GSE1: variants seen among roughly 807,000 people sequenced by gnomAD.
GSE1 encodes the protein genetic suppressor element 1.
A neutral mutation model predicts 112.6 loss-of-function variants in GSE1; 32 were observed. That is an observed-to-expected ratio of 0.28 (90% CI 0.21 to 0.38). GSE1 has a LOEUF of 0.38. GSE1 is among the 10% of genes least tolerant of loss of function. GSE1 has a pLI of 1.00. For missense variants in GSE1, 2,348 were observed against 1,699.2 expected, an observed-to-expected ratio of 1.38 and a Z score of -6.71; for synonymous variants, 1,115 against 735.6, an observed-to-expected ratio of 1.52 and a Z score of -8.35.
intron 2 of GSE1, among the ~76,000 whole-genome samples, chr16:85,360,165 C>T (rs113762416): frequency 1.3e-5 from 2 of 152,132 alleles, no homozygotes; most frequent in Admixed American, 6.5e-5. Flanking sequence ...TCCCTGGTCC[C>T]GGTGGCCACC....
Position 85,513,634 on chromosome 16 carries a change from G to C in GSE1, c.2465-120280G>C, listed in dbSNP as rs367728976. 6.0e-4 allele frequency among the ~76,000 whole-genome samples: 91 copies of C among 152,250 alleles called. 3 individuals are homozygous for C. The South Asian group carries it at 0.018, about 31-fold the overall frequency. On this transcript the variant is annotated intron_variant, in intron 2 of 2. Transcript: ENST00000637419. ...GACTTGGGGGAATCTGCTGCCTCCA[G>C]GCCTCACCCTCCTCCTCCAGGAAGC...
At chr16:85,632,477 C>G (rs1328693709) in intron 1 of GSE1, among the ~76,000 whole-genome samples, 1 of 152,172 alleles carries the variant, frequency 6.6e-6, no homozygotes, top group Non-Finnish European at 1.5e-5. Flanking sequence ...ATGGCCAGGA[C>G]TCACGGCCTT....
chr16:85,636,708 C>T lies in GSE1; in HGVS notation c.226+2576C>T, dbSNP rs116698432. Reference sequence around the variant, plus strand: ...CTTCCCGGGGGGGGGCTGGGAGAGCCGCCGTTAGGACAGTTCTGAGCTGGT... The same window carrying T: ...CTTCCCGGGGGGGGGCTGGGAGAGCTGCCGTTAGGACAGTTCTGAGCTGGT... On this transcript the variant is annotated intron_variant, in intron 2 of 15. Transcript: ENST00000253458. 8.8e-3 allele frequency among the ~76,000 whole-genome samples: 1,340 copies of T among 152,282 alleles called. 23 individuals carry two copies. The highest frequency in any genetic ancestry group is 0.031 in the African/African-American group (1,271 of 41,556).
intron 1 of GSE1, among the ~76,000 whole-genome samples, chr16:85,214,852 G>A (rs929465878): frequency 5.9e-5 from 9 of 152,134 alleles, no homozygotes; most frequent in African/African-American, 2.2e-4. Flanking sequence ...GGGTGGGGGT[G>A]GGGCAGGAGG....
At chr16:85,220,071 T>G (rs2075365700) in intron 1 of GSE1, among the ~76,000 whole-genome samples, 1 of 152,218 alleles carries the variant, frequency 6.6e-6, no homozygotes, top group South Asian at 2.1e-4. Flanking sequence ...TTACATGATG[T>G]CAGAGCATCC....
chr16:85,256,779 G>A (rs1465066161), intron 1 of GSE1, among the ~76,000 whole-genome samples: 1 of 152,228 alleles, frequency 6.6e-6, no homozygotes, highest in African/African-American at 2.4e-5. Context: ...CACACTTGTG[G>A]TAAATGATAA....
At chr16:85,611,592 C>T (rs1215092992), upstream of GSE1, 2 of 583,092 alleles carry the variant, frequency 3.4e-6, no homozygotes, top group Non-Finnish European at 4.3e-6. Context: ...CGTTTGTGGT[C>T]TGCCCGGAGC....
intron 2 of GSE1, among the ~76,000 whole-genome samples, chr16:85,447,881 G>A (rs1597786697): frequency 1.3e-5 from 2 of 152,206 alleles, no homozygotes; most frequent in South Asian, 4.1e-4. Flanking sequence ...GAGAGCTCAA[G>A]TGACTTGCCC....
chr16:85,619,150 G>T (rs1034948550), intron 1 of GSE1, among the ~76,000 whole-genome samples: 1 of 152,192 alleles, frequency 6.6e-6, no homozygotes, highest in Non-Finnish European at 1.5e-5. Context: ...CTTTTTAGGA[G>T]CCTCAACGTC....
chr16:85,274,943 G>A lies in GSE1; in HGVS notation c.2284-82520G>A, dbSNP rs184178757. Among the ~76,000 whole-genome samples the A allele has an allele frequency of 4.1e-3, 619 of 152,348 alleles. 2 individuals are homozygous for A. Among genetic ancestry groups the A allele is most frequent in the South Asian group, 5.2e-3 (25 of 4,828 alleles). ...CGGCCCCTCCTGCTGTTCTTGGAGT[G>A]AGACCAGGCATTTTCTGCAGTTTCT... On this transcript the variant is annotated intron_variant, in intron 1 of 2. Coordinates refer to the GSE1 transcript ENST00000637419.
chr16:85,485,139 A>G (rs1228287052), intron 2 of GSE1, among the ~76,000 whole-genome samples: 1 of 152,070 alleles, frequency 6.6e-6, no homozygotes, highest in Non-Finnish European at 1.5e-5. Flanking sequence ...ACCATCTGGA[A>G]CATTCCGGGC....
At chr16:85,615,595 C>T (rs1008714632) in intron 1 of GSE1, among the ~76,000 whole-genome samples, 8 of 152,112 alleles carry the variant, frequency 5.3e-5, no homozygotes, top group Middle Eastern at 3.2e-3. Context: ...TAGGGTCAGC[C>T]CTGCCTTGGG....
rs1329034861 is a variant in GSE1, at chr16:85,599,348, G to A, written c.37+42985G>A. 2.0e-5 allele frequency among the ~76,000 whole-genome samples: 3 copies of A among 152,214 alleles called. No homozygotes were observed. In the East Asian group the frequency reaches 5.8e-4, roughly 29 times the overall value. ...GCTGGTGTCATGGGGTGGTTCCCCA[G>A]GGCTGAGCGGCAGACACCCCCTTAG... On this transcript the variant is annotated intron_variant, in intron 1 of 2. Transcript: ENST00000635906.
chr16:85,509,247 C>T (rs1227964842), intron 2 of GSE1, among the ~76,000 whole-genome samples: 1 of 152,180 alleles, frequency 6.6e-6, no homozygotes. Flanking sequence ...GGATCCATGC[C>T]AGGGACAGCT....
intron 3 of GSE1, among the ~76,000 whole-genome samples, chr16:85,653,457 G>A (rs1394590046): frequency 6.6e-6 from 1 of 150,478 alleles, no homozygotes; most frequent in Non-Finnish European, 1.5e-5. Flanking sequence ...GAACTTGGCA[G>A]GGACCTCAGC....
At chr16:85,645,356 G>A (rs2050767364) in intron 2 of GSE1, among the ~76,000 whole-genome samples, 1 of 152,138 alleles carries the variant, frequency 6.6e-6, no homozygotes, top group Admixed American at 6.5e-5. Flanking sequence ...GGCCGCTCTG[G>A]GGCGTGGCCG....
chr16:85,358,812 A>T (rs1597478881), intron 2 of GSE1, among the ~76,000 whole-genome samples: 1 of 152,168 alleles, frequency 6.6e-6, no homozygotes, highest in Non-Finnish European at 1.5e-5. Context: ...TACTGTCCCC[A>T]CCTTGTCTGA....
chr16:85,463,288 G>C (rs928369579), intron 2 of GSE1, among the ~76,000 whole-genome samples: 3 of 152,188 alleles, frequency 2.0e-5, no homozygotes, highest in Non-Finnish European at 2.9e-5. Flanking sequence ...CCCCAGCGCC[G>C]CCTCCTCATG....
intron 1 of GSE1, among the ~76,000 whole-genome samples, chr16:85,348,892 T>C (rs1597456473): frequency 1.3e-5 from 2 of 151,466 alleles, no homozygotes; most frequent in South Asian, 4.2e-4. Context: ...CCCCGAGAGA[T>C]GGGGGAGAGT....
Sources: gnomAD v4.1 joint callset for allele counts (sites outside exome capture counted in the v4.1 genomes callset) on GRCh38, gnomAD v4.1.1 for gene constraint, MANE v1.5 for transcripts, NCBI Gene and HGNC (gene_info 2026-07-23, HGNC 2026-07-21) for gene names.